Variants in INVS observed in about 807,000 individuals in gnomAD.
INVS encodes inversin, also known as inversion of embryo turning homolog.
INVS carries 86 observed loss-of-function variants against 108.8 expected under a neutral mutation model. The ratio of observed to expected loss-of-function variants is 0.79; its 90% CI spans 0.66 to 0.95. The LOEUF is 0.95. Ranked by LOEUF, INVS falls within the 40% of genes least tolerant of loss-of-function variation. The pLI, the probability that INVS is intolerant of heterozygous loss-of-function variation, is 0.00. For synonymous variants in INVS, 455 were observed against 473.5 expected, an observed-to-expected ratio of 0.96 and a Z score of 0.51; for missense variants, 1,169 against 1,297.4, an observed-to-expected ratio of 0.90 and a Z score of 1.52.
At chr9:100,242,709 C>T in intron 7 of INVS, 30 bp downstream of exon 7, 2 of 1,263,804 alleles carry the variant, frequency 1.6e-6, no homozygotes, top group Non-Finnish European at 1.2e-6. Context: ...GCTCTTTTTT[C>T]TTAGTGAAAA....
chr9:100,126,402 CAAA>C lies in INVS; in HGVS notation c.127_129del (p.Lys43del), dbSNP rs757721719. 2 of 1,613,796 alleles carry C rather than the reference CAAA, an allele frequency of 1.2e-6. No individual in the cohort carries two copies. Among genetic ancestry groups the C allele is most frequent in the Non-Finnish European group, 1.7e-6 (2 of 1,179,708 alleles). On this transcript the variant is annotated inframe_deletion, in exon 3 of 17. Coordinates refer to ENST00000262457, the MANE Select transcript of INVS (RefSeq NM_014425.5). ...TTATAGGAAACTCTGCTCTTAAAGA[CAAA>C]GAAGATCAGTTTGGGAGAACACCAC...
At chr9:100,100,042 T>A (rs938145468) in intron 1 of INVS, among the ~76,000 whole-genome samples, 2 of 152,178 alleles carry the variant, frequency 1.3e-5, no homozygotes, top group African/African-American at 4.8e-5. Flanking sequence ...TTACTCTTCC[T>A]ATGAGTGTGA....
chr9:100,111,264 T>C (rs1827329093), intron 2 of INVS, among the ~76,000 whole-genome samples: 1 of 152,282 alleles, frequency 6.6e-6, no homozygotes, highest in African/African-American at 2.4e-5. Context: ...ATTGTGTTGC[T>C]GTAGCTATTG....
At chr9:100,129,787 T>C in intron 3 of INVS, 1 of 639,810 alleles carries the variant, frequency 1.6e-6, no homozygotes, top group East Asian at 2.8e-5. Flanking sequence ...TATGACATTT[T>C]CCAAACTGGA....
intron 3 of INVS, among the ~76,000 whole-genome samples, chr9:100,181,711 G>C (rs1212679227): frequency 6.6e-6 from 1 of 152,048 alleles, no homozygotes; most frequent in Non-Finnish European, 1.5e-5. Flanking sequence ...TATAGATTCA[G>C]TGCTATCCCC....
intron 3 of INVS, among the ~76,000 whole-genome samples, chr9:100,195,957 G>T (rs189045269): frequency 5.4e-4 from 82 of 152,162 alleles, no homozygotes; most frequent in South Asian, 2.5e-3. Context: ...TAATGTCTTT[G>T]TCAGGTTTTC....
chr9:100,193,305 A>T (rs77493651), intron 3 of INVS, among the ~76,000 whole-genome samples: 1,884 of 152,180 alleles, frequency 0.012, 30 homozygotes, highest in African/African-American at 0.043. Flanking sequence ...TTGATTTTTT[A>T]AATCTCTTTT....
chr9:100,221,583 G>T (rs1831151960), intron 3 of INVS, among the ~76,000 whole-genome samples: 1 of 124,674 alleles, frequency 8.0e-6, no homozygotes, highest in South Asian at 2.2e-4. Context: ...AATAGGAGAT[G>T]CTGGCCTCCT....
intron 5 of INVS, among the ~76,000 whole-genome samples, chr9:100,234,982 T>C (rs1049107813): frequency 6.6e-6 from 1 of 152,204 alleles, no homozygotes; most frequent in African/African-American, 2.4e-5. Context: ...TATCCCACTA[T>C]TATTGTGTGG....
intron 2 of INVS, among the ~76,000 whole-genome samples, chr9:100,110,499 G>C (rs1173073762): frequency 6.6e-6 from 1 of 152,100 alleles, no homozygotes; most frequent in Non-Finnish European, 1.5e-5. Context: ...AGAAAGATAA[G>C]AAAGAAAGAA....
chr9:100,270,826 G>A (rs1832933081), intron 11 of INVS, among the ~76,000 whole-genome samples: 1 of 150,746 alleles, frequency 6.6e-6, no homozygotes, highest in African/African-American at 2.4e-5. Flanking sequence ...GGGGGCTGAG[G>A]CAGGAGGACT....
At chr9:100,236,625 G>A (rs568154757) in intron 5 of INVS, among the ~76,000 whole-genome samples, 1 of 152,112 alleles carries the variant, frequency 6.6e-6, no homozygotes, top group Non-Finnish European at 1.5e-5. Context: ...CTCTTCTAGG[G>A]GCCTGCTGGA....
intron 3 of INVS, among the ~76,000 whole-genome samples, chr9:100,224,657 C>T (rs1831252656): frequency 6.6e-6 from 1 of 151,946 alleles, no homozygotes; most frequent in African/African-American, 2.4e-5. Flanking sequence ...GGCTCTGTCA[C>T]CCAGGTTAGA....
At chr9:100,195,153 G>C (rs1489150704) in intron 3 of INVS, among the ~76,000 whole-genome samples, 1 of 152,126 alleles carries the variant, frequency 6.6e-6, no homozygotes, top group Non-Finnish European at 1.5e-5. Flanking sequence ...ACAAAACATG[G>C]TAAAGAAGCT....
At chr9:100,117,993 C>G (rs1380524540) in intron 2 of INVS, among the ~76,000 whole-genome samples, 1 of 152,092 alleles carries the variant, frequency 6.6e-6, no homozygotes, top group African/African-American at 2.4e-5. Context: ...TGCTGGCATC[C>G]TGATCTCAGA....
chr9:100,102,044 C>T (rs1272131090), intron 1 of INVS: 2 of 152,184 alleles, frequency 1.3e-5, no homozygotes, highest in African/African-American at 2.4e-5. Context: ...CTTAAACACT[C>T]TTGTGATAGG....
At chr9:100,217,803 C>T (rs981608754) in intron 3 of INVS, among the ~76,000 whole-genome samples, 2 of 152,174 alleles carry the variant, frequency 1.3e-5, no homozygotes, top group African/African-American at 4.8e-5. Flanking sequence ...CATTCAGGGA[C>T]ATTCAAGGCC....
intron 3 of INVS, among the ~76,000 whole-genome samples, chr9:100,147,506 T>C (rs544159233): frequency 6.6e-6 from 1 of 152,344 alleles, no homozygotes; most frequent in South Asian, 2.1e-4. Flanking sequence ...GGTGAGGCTG[T>C]GGATAAATAA....
chr9:100,152,050 T>A (rs1828823804), intron 3 of INVS, among the ~76,000 whole-genome samples: 1 of 152,224 alleles, frequency 6.6e-6, no homozygotes, highest in Admixed American at 6.5e-5. Context: ...ATCCATATTT[T>A]GAACTTTCCC....
Sources: allele counts gnomAD v4.1 joint callset (sites outside exome capture counted in the v4.1 genomes callset), GRCh38; gene constraint gnomAD v4.1.1; transcripts MANE v1.5; gene names NCBI Gene and HGNC (gene_info 2026-07-23, HGNC 2026-07-21).